WASF3: variants seen among roughly 807,000 people sequenced by gnomAD.
WASF3 encodes WASP family member 3, also known as actin-binding protein WASF3.
WASF3 carries 11 observed loss-of-function variants against 46.6 expected under a neutral mutation model. The ratio of observed to expected loss-of-function variants is 0.24; its 90% CI spans 0.15 to 0.39. The LOEUF is 0.39. Ranked by LOEUF, WASF3 falls within the 10% of genes least tolerant of loss-of-function variation. WASF3 has a pLI of 1.00. For missense variants in WASF3, 576 were observed against 669.8 expected, an observed-to-expected ratio of 0.86 and a Z score of 1.55; for synonymous variants, 242 against 259.7, an observed-to-expected ratio of 0.93 and a Z score of 0.65.
chr13:26,645,744 AAGTC>A (rs1882131479), intron 3 of WASF3, among the ~76,000 whole-genome samples: 1 of 152,192 alleles, frequency 6.6e-6, no homozygotes, highest in Admixed American at 6.5e-5. Context: ...AGAGAAACAG[AAGTC>A]AGTCAGTAGA....
At chr13:26,639,909 T>C (rs1484022385) in intron 2 of WASF3, 5 of 152,226 alleles carry the variant, frequency 3.3e-5, no homozygotes, top group African/African-American at 1.2e-4. Flanking sequence ...AGAGTCAGGA[T>C]TGGCGGGTTT....
At chr13:26,562,912 C>G (rs1593366707) in intron 1 of WASF3, among the ~76,000 whole-genome samples, 1 of 143,074 alleles carries the variant, frequency 7.0e-6, no homozygotes, top group Non-Finnish European at 1.5e-5. Context: ...TTTCTTTTCT[C>G]TTTTCTTTTC....
the WASF3 span, among the ~76,000 whole-genome samples, chr13:26,552,173 C>T: frequency 6.6e-6 from 1 of 152,172 alleles, no homozygotes; most frequent in Non-Finnish European, 1.5e-5. Flanking sequence ...TGAGTCTTGG[C>T]TGGGTTACCT....
intron 4 of WASF3, among the ~76,000 whole-genome samples, chr13:26,666,361 G>A (rs191662976): frequency 2.4e-4 from 36 of 152,160 alleles, no homozygotes; most frequent in Admixed American, 2.1e-3. Flanking sequence ...TAAATTTTAT[G>A]AGATTTTATA....
At chr13:26,670,674 G>A (rs1367346965) in intron 5 of WASF3, among the ~76,000 whole-genome samples, 1 of 152,024 alleles carries the variant, frequency 6.6e-6, no homozygotes, top group Non-Finnish European at 1.5e-5. Flanking sequence ...GGTATCTTAG[G>A]GAAACAAATT....
At chr13:26,656,730 G>A (rs1882478218) in intron 3 of WASF3, among the ~76,000 whole-genome samples, 1 of 151,784 alleles carries the variant, frequency 6.6e-6, no homozygotes, top group Admixed American at 6.6e-5. Context: ...TGTTAGTTAT[G>A]TTTTCTCCGA....
At chr13:26,680,148 C>G (rs766758542) in intron 7 of WASF3, 1 of 1,596,696 alleles carries the variant, frequency 6.3e-7, no homozygotes. Context: ...TTATGAGTGA[C>G]GCAAAGAAAC....
intron 8 of WASF3, 147 bp downstream of exon 8, chr13:26,681,467 C>A: frequency 9.7e-7 from 1 of 1,028,434 alleles, no homozygotes; most frequent in Non-Finnish European, 1.4e-6. Context: ...CTCTAACATT[C>A]TGTGTGAAAT....
intron 2 of WASF3, among the ~76,000 whole-genome samples, chr13:26,630,789 A>G (rs987337724): frequency 6.6e-6 from 1 of 152,174 alleles, no homozygotes; most frequent in Non-Finnish European, 1.5e-5. Context: ...GTGTAAAAGC[A>G]TTGCTATTTC....
rs750664699 is a variant in WASF3 at position 26,665,038 on chromosome 13, T to C, written c.144T>C (p.Ala48=). ...CATTTTATTCTACAGGCAAACATGC[T>C]GAAGACATATTTGGTGAGTTGTTTA... The part of the protein sequence containing the change: ...IRQLSSLSKH[A]EDIFGELFNE... The change falls in exon 4 of 10, where the codon GCT becomes GCC. Residue 48 remains alanine (A), a synonymous_variant. Coordinates refer to ENST00000335327, the MANE Select transcript of WASF3 (RefSeq NM_006646.6). 45 of 1,613,990 alleles carry C rather than the reference T, an allele frequency of 2.8e-5. No homozygotes were observed. Among genetic ancestry groups the C allele is most frequent in the Middle Eastern group, 3.3e-4 (2 of 6,082 alleles).
intron 2 of WASF3, among the ~76,000 whole-genome samples, chr13:26,630,111 A>C (rs1461489812): frequency 6.6e-6 from 1 of 152,120 alleles, no homozygotes; most frequent in Non-Finnish European, 1.5e-5. Flanking sequence ...TAATGTTTAC[A>C]TAGCTAGTAA....
chr13:26,636,182 C>T (rs9512297), intron 2 of WASF3, among the ~76,000 whole-genome samples: 67,271 of 152,154 alleles, frequency 0.44, 16,239 homozygotes, highest in Non-Finnish European at 0.55. Context: ...TCAAGCTTCC[C>T]GGCTGCTTTG....
the WASF3 span, among the ~76,000 whole-genome samples, chr13:26,551,898 A>T: frequency 2.6e-5 from 4 of 152,246 alleles, no homozygotes; most frequent in African/African-American, 9.6e-5. Flanking sequence ...AAAATTGCTC[A>T]TAAAATAGCG....
chr13:26,556,247 G>A (rs145957196), upstream of WASF3, among the ~76,000 whole-genome samples: 2,516 of 152,318 alleles, frequency 0.017, 47 homozygotes, highest in African/African-American at 0.043. Context: ...AGCAGCCAGG[G>A]AAATATGATT....
At chr13:26,546,224 G>C in the WASF3 span, among the ~76,000 whole-genome samples, 2 of 152,158 alleles carry the variant, frequency 1.3e-5, no homozygotes, top group Non-Finnish European at 2.9e-5. Flanking sequence ...TGTTGTGCCT[G>C]GAAGATTCAA....
intron 1 of WASF3, among the ~76,000 whole-genome samples, chr13:26,571,612 A>G (rs943148532): frequency 2.6e-5 from 4 of 152,196 alleles, no homozygotes; most frequent in South Asian, 4.1e-4. Context: ...TTCATATGCT[A>G]TTCACACAAT....
chr13:26,673,792 G>A (rs1882985976), intron 6 of WASF3, among the ~76,000 whole-genome samples: 1 of 152,166 alleles, frequency 6.6e-6, no homozygotes, highest in African/African-American at 2.4e-5. Context: ...TTACACTGTT[G>A]GTAAGTTTAG....
chr13:26,587,704 G>C (rs569638182), intron 1 of WASF3, among the ~76,000 whole-genome samples: 1 of 152,156 alleles, frequency 6.6e-6, no homozygotes, highest in Non-Finnish European at 1.5e-5. Context: ...CAATCAAGGG[G>C]GTGGTAATTC....
intron 1 of WASF3, among the ~76,000 whole-genome samples, chr13:26,608,260 A>T (rs1880863260): frequency 6.6e-6 from 1 of 152,200 alleles, no homozygotes; most frequent in African/African-American, 2.4e-5. Context: ...TAAATGGAAG[A>T]GAAAGAAAAT....
Sources: allele counts gnomAD v4.1 joint callset (sites outside exome capture counted in the v4.1 genomes callset), GRCh38; gene constraint gnomAD v4.1.1; transcripts MANE v1.5; gene names NCBI Gene and HGNC (gene_info 2026-07-23, HGNC 2026-07-21).